The following GPR180 variants were observed in gnomAD, a reference collection of about 807,000 sequenced individuals.
GPR180 encodes G protein-coupled receptor 180.
A neutral mutation model predicts 52.6 loss-of-function variants in GPR180; 53 were observed. The ratio of observed to expected loss-of-function variants is 1.01; its 90% CI spans 0.81 to 1.27. The LOEUF is 1.27. GPR180 is among the 50% of genes most tolerant of loss of function. GPR180 has a pLI of 0.00. For synonymous variants in GPR180, 200 were observed against 193.1 expected, an observed-to-expected ratio of 1.04 and a Z score of -0.30; for missense variants, 533 against 527.0, an observed-to-expected ratio of 1.01 and a Z score of -0.11.
intron 2 of GPR180, among the ~76,000 whole-genome samples, chr13:94,609,573 A>T (rs1889677444): frequency 6.6e-6 from 1 of 152,178 alleles, no homozygotes; most frequent in South Asian, 2.1e-4. Context: ...AATGATAAAA[A>T]TGGCAACACA....
In GPR180 at chr13:94,633,322, T is replaced by C. The variant is rs1347386591; in HGVS notation, c.*6151T>C. 6.6e-6 allele frequency: 1 copy of C among 152,120 alleles called. No homozygotes were observed. The highest frequency in any genetic ancestry group is 1.5e-5 in the Non-Finnish European group (1 of 68,006). The allele number at this position is 152,120 out of a possible 1,614,324, so 9.4% of individuals were successfully genotyped here. On this transcript the variant is annotated 3_prime_UTR_variant, in exon 9 of 9. Coordinates refer to ENST00000376958, the MANE Select transcript of GPR180 (RefSeq NM_180989.6). ...GTGTCAGAAGCCATTGCAAATATCC[T>C]GATGATCCGTGCAAAACAAAAACAC...
rs1889982958 is a variant in GPR180, at chr13:94,630,608, A to C, written c.*3437A>C. ...ATGATCTGGTTATCTCTTAATTTGT[A>C]CCACTCTCTCACACACATATCCCAG... On this transcript the variant is annotated 3_prime_UTR_variant, in exon 9 of 9. Coordinates refer to ENST00000376958, the MANE Select transcript of GPR180 (RefSeq NM_180989.6). 6.6e-6 allele frequency: 1 copy of C among 152,190 alleles called. No homozygotes were observed. Among genetic ancestry groups the C allele is most frequent in the African/African-American group, 2.4e-5 (1 of 41,444 alleles). 9.4% of individuals were successfully genotyped at this position (152,190 alleles called of 1,614,324 possible). A position where few individuals can be genotyped will look rare whatever the true frequency, so the allele number is the denominator to read the frequency against.
chr13:94,616,679 T>C (rs1889782818), intron 3 of GPR180, among the ~76,000 whole-genome samples: 1 of 152,212 alleles, frequency 6.6e-6, no homozygotes, highest in Non-Finnish European at 1.5e-5. Context: ...GTCTTAAGTA[T>C]AATAAGATTT....
In GPR180 at chr13:94,629,813, T is replaced by C. The variant is rs1889971498; in HGVS notation, c.*2642T>C. ...AGAAGAGCTTGCTTTAGGGTAATTA[T>C]TTATTATCTCCAGTAAAGTCACATC... On this transcript the variant is annotated 3_prime_UTR_variant, in exon 9 of 9. Transcript: ENST00000376958. The C allele has an allele frequency of 6.6e-6, 1 of 152,202 alleles. No homozygotes were observed. Among genetic ancestry groups the C allele is most frequent in the African/African-American group, 2.4e-5 (1 of 41,442 alleles). 9.4% of individuals were successfully genotyped at this position (152,202 alleles called of 1,614,324 possible). A position where few individuals can be genotyped will look rare whatever the true frequency, so the allele number is the denominator to read the frequency against.
In GPR180 at chr13:94,627,466, T is replaced by G. The variant is rs1303181474; in HGVS notation, c.*295T>G. On this transcript the variant is annotated 3_prime_UTR_variant, in exon 9 of 9. Coordinates refer to ENST00000376958, the MANE Select transcript of GPR180 (RefSeq NM_180989.6). ...ATAACTATGATATTTTGGTAAAATATTCACCACTTATAATGCCTCATCTTA... is the reference window on the plus strand; with the variant it reads ...ATAACTATGATATTTTGGTAAAATAGTCACCACTTATAATGCCTCATCTTA... 1.2e-5 allele frequency: 4 copies of G among 340,438 alleles called. No individual in the cohort carries two copies. In the East Asian group the frequency reaches 3.1e-4, roughly 26 times the overall value. The allele number at this position is 340,438 out of a possible 1,614,324, so 21.1% of individuals were successfully genotyped here. A position where few individuals can be genotyped will look rare whatever the true frequency, so the allele number is the denominator to read the frequency against.
Position 94,625,996 on chromosome 13 carries a change from G to A in GPR180, c.1117G>A (p.Val373Ile), listed in dbSNP as rs780364831. The change falls in exon 8 of 9, where the codon GTT becomes ATT. Residue 373 changes from valine (V) to isoleucine (I), a missense_variant. Coordinates refer to ENST00000376958, the MANE Select transcript of GPR180 (RefSeq NM_180989.6). The part of the protein sequence containing the change: ...GCILWFLCHP[V>I]LACISVIFSD... ...TATCTTGTGGTTTTTATGCCATCCA[G>A]TTCTTGCATGCATTTCTGTCATTTT... 32 of 1,611,690 alleles carry A rather than the reference G, an allele frequency of 2.0e-5. No individual in the cohort carries two copies. The highest frequency in any genetic ancestry group is 3.4e-6 in the Non-Finnish European group (4 of 1,178,624).
intron 2 of GPR180, among the ~76,000 whole-genome samples, chr13:94,609,614 A>G (rs147754694): frequency 6.6e-6 from 1 of 152,322 alleles, no homozygotes; most frequent in Non-Finnish European, 1.5e-5. Flanking sequence ...GGTCCGGATT[A>G]TATAATTGCA....
rs1161782598 is a variant in GPR180, at chr13:94,627,865, G to C, written c.*694G>C. The C allele has an allele frequency of 6.6e-6, 1 of 152,424 alleles. No individual in the cohort carries two copies. Among genetic ancestry groups the C allele is most frequent in the Non-Finnish European group, 1.5e-5 (1 of 67,936 alleles). The allele number at this position is 152,424 out of a possible 1,614,324, so 9.4% of individuals were successfully genotyped here. A position where few individuals can be genotyped will look rare whatever the true frequency, so the allele number is the denominator to read the frequency against. On this transcript the variant is annotated 3_prime_UTR_variant, in exon 9 of 9. Coordinates refer to ENST00000376958, the MANE Select transcript of GPR180 (RefSeq NM_180989.6). ...CATTACACGGGTTGTAAGGACAAAG[G>C]ATTTTAAAATCTGAGCACTTAGGTG...
intron 8 of GPR180, 53 bp from the exon 9 acceptor site, chr13:94,626,957 ATAT>A (rs1181752131): frequency 2.0e-5 from 24 of 1,220,746 alleles, no homozygotes; most frequent in Middle Eastern, 2.1e-4. Context: ...AATAAATTGA[ATAT>A]TATTTCTCTA....
At chr13:94,605,759 A>G (rs1012948055) in intron 2 of GPR180, among the ~76,000 whole-genome samples, 2 of 152,196 alleles carry the variant, frequency 1.3e-5, no homozygotes, top group African/African-American at 4.8e-5. Context: ...GATAATTTAT[A>G]TAGGAGTCCT....
intron 7 of GPR180, among the ~76,000 whole-genome samples, chr13:94,625,698 T>A (rs944842240): frequency 2.0e-5 from 3 of 152,224 alleles, no homozygotes; most frequent in African/African-American, 7.2e-5. Context: ...TTGTTACTTA[T>A]ATTAATAATT....
chr13:94,602,221 C>G (rs1291486595), intron 1 of GPR180, 149 bp downstream of exon 1: 1 of 753,720 alleles, frequency 1.3e-6, no homozygotes, highest in Non-Finnish European at 1.8e-6. Context: ...GTTGCAGCAG[C>G]TGCCGCGAAT....
intron 3 of GPR180, among the ~76,000 whole-genome samples, chr13:94,616,888 ATT>A (rs1282243467): frequency 1.3e-5 from 2 of 152,224 alleles, no homozygotes; most frequent in Non-Finnish European, 2.9e-5. Flanking sequence ...CAGAGCTAGC[ATT>A]TTATCTTTTA....
intron 2 of GPR180, among the ~76,000 whole-genome samples, chr13:94,608,799 C>T (rs1440778625): frequency 3.3e-5 from 5 of 152,130 alleles, no homozygotes; most frequent in African/African-American, 7.2e-5. Flanking sequence ...CCAGCTCCTA[C>T]GTAAAACCTT....
At chr13:94,613,788 T>C (rs1889742417) in intron 3 of GPR180, among the ~76,000 whole-genome samples, 1 of 152,154 alleles carries the variant, frequency 6.6e-6, no homozygotes, top group Non-Finnish European at 1.5e-5. Flanking sequence ...CTTTTTTCTG[T>C]ATTTTGGAAA....
At chr13:94,626,926 A>G (rs902993265) in intron 8 of GPR180, 87 bp from the exon 9 acceptor site, 158 of 1,016,626 alleles carry the variant, frequency 1.6e-4, no homozygotes, top group Middle Eastern at 3.3e-4. Context: ...GTATTTATAT[A>G]AAAAGCATAT....
chr13:94,619,929 C>T (rs1422346276), intron 5 of GPR180, among the ~76,000 whole-genome samples: 1 of 152,132 alleles, frequency 6.6e-6, no homozygotes, highest in African/African-American at 2.4e-5. Context: ...ACTATGTTGC[C>T]CAGGCTGGCC....
chr13:94,618,122 T>G (rs761259938), intron 3 of GPR180, among the ~76,000 whole-genome samples: 8 of 152,196 alleles, frequency 5.3e-5, no homozygotes, highest in Non-Finnish European at 1.2e-4. Context: ...TGCACATTCT[T>G]TGTTCTTTGC....
rs193143067 is a variant in GPR180, at chr13:94,624,753, A to G, written c.1087-1213A>G. ...GAGACGGGGTTTCACCGTGTTAGCC[A>G]GGATGCTCTCGACCTCCTGACCTTG... On this transcript the variant is annotated intron_variant, in intron 7 of 8. Transcript: ENST00000376958. 1.1e-3 allele frequency among the ~76,000 whole-genome samples: 170 copies of G among 152,300 alleles called. 1 individual carries two copies. Among genetic ancestry groups the G allele is most frequent in the Non-Finnish European group, 1.9e-3 (132 of 68,008 alleles).
Sources: gnomAD v4.1 joint callset for allele counts (sites outside exome capture counted in the v4.1 genomes callset) on GRCh38, gnomAD v4.1.1 for gene constraint, MANE v1.5 for transcripts, NCBI Gene and HGNC (gene_info 2026-07-23, HGNC 2026-07-21) for gene names.